The following TRPC7 variants were observed in gnomAD, a reference collection of about 807,000 sequenced individuals.
The protein encoded by TRPC7 is short transient receptor potential channel 7.
Under a neutral mutation model 90.1 loss-of-function variants are expected in TRPC7, and 42 were observed. The ratio of observed to expected loss-of-function variants is 0.47; its 90% CI spans 0.36 to 0.60. The LOEUF is 0.60. Among genes scored for constraint, TRPC7 ranks in the 20% least tolerant of loss-of-function variants. The probability of loss-of-function intolerance (pLI) is 0.00; values close to 1 mark genes in which losing one functional copy is unlikely to be tolerated. For missense variants in TRPC7, 955 were observed against 1,112.3 expected, an observed-to-expected ratio of 0.86 and a Z score of 2.01; for synonymous variants, 451 against 436.3, an observed-to-expected ratio of 1.03 and a Z score of -0.42.
At chr5:136,301,043 T>A (rs549985224) in intron 3 of TRPC7, among the ~76,000 whole-genome samples, 1 of 152,310 alleles carries the variant, frequency 6.6e-6, no homozygotes, top group African/African-American at 2.4e-5. Flanking sequence ...TTTTTCTTTT[T>A]TCTGAGGTGG....
intron 2 of TRPC7, among the ~76,000 whole-genome samples, chr5:136,327,204 A>T (rs1654146341): frequency 6.6e-6 from 1 of 152,194 alleles, no homozygotes; most frequent in African/African-American, 2.4e-5. Flanking sequence ...CAAAATTGTG[A>T]TAGAGTGACC....
rs75204588 is a variant in TRPC7, at chr5:136,247,890, T to A, written c.1580-155A>T. On this transcript the variant is annotated intron_variant, in intron 6 of 11. Coordinates refer to ENST00000513104, the MANE Select transcript of TRPC7 (RefSeq NM_020389.3). This position sits in a 1 kb window ranked among gnomAD's most constrained non-coding sequence, Gnocchi z 4.2. ...AATATCCAGAAGTTGCCACCCTCCC[T>A]CTTGGAATGTGCTGGACCATCTGCC... 6.6e-6 allele frequency among the ~76,000 whole-genome samples: 1 copy of A among 152,188 alleles called. No homozygotes were observed. The highest frequency in any genetic ancestry group is 1.9e-4 in the East Asian group (1 of 5,188).
At chr5:136,336,742 A>G (rs1308392508) in intron 2 of TRPC7, among the ~76,000 whole-genome samples, 1 of 151,976 alleles carries the variant, frequency 6.6e-6, no homozygotes, top group Non-Finnish European at 1.5e-5. Context: ...ATTCCCACCT[A>G]TGAGTGAGAA....
At chr5:136,327,357 A>G (rs558496572) in intron 2 of TRPC7, among the ~76,000 whole-genome samples, 1 of 152,172 alleles carries the variant, frequency 6.6e-6, no homozygotes, top group Non-Finnish European at 1.5e-5. Context: ...AGCAAGGGGG[A>G]TGCCCACCCC....
intron 2 of TRPC7, among the ~76,000 whole-genome samples, chr5:136,354,156 G>A (rs914894171): frequency 4.6e-5 from 7 of 152,108 alleles, no homozygotes; most frequent in African/African-American, 1.7e-4. Context: ...CTTTCGCACG[G>A]CCAATGCAGA....
chr5:136,364,583 G>T (rs927049042), intron 1 of TRPC7, among the ~76,000 whole-genome samples: 1 of 152,042 alleles, frequency 6.6e-6, no homozygotes, highest in Non-Finnish European at 1.5e-5. Context: ...AATCCATTAC[G>T]CCTCTAAATT....
At chr5:136,301,464 AAAG>A (rs1289155082) in intron 3 of TRPC7, among the ~76,000 whole-genome samples, 6 of 151,662 alleles carry the variant, frequency 4.0e-5, no homozygotes, top group African/African-American at 1.2e-4. Flanking sequence ...AAGATCCACA[AAAG>A]AAGTAAAAAT....
intron 1 of TRPC7, among the ~76,000 whole-genome samples, chr5:136,359,309 T>C (rs1490553581): frequency 1.3e-5 from 2 of 152,208 alleles, no homozygotes; most frequent in African/African-American, 2.4e-5. Flanking sequence ...AAATTATATA[T>C]GGAGCAACTT....
At chr5:136,239,964 A>G (rs1375034137) in intron 7 of TRPC7, among the ~76,000 whole-genome samples, 4 of 152,072 alleles carry the variant, frequency 2.6e-5, no homozygotes, top group African/African-American at 4.8e-5. Context: ...CACCCCTTCC[A>G]ACCCACCCTT....
chr5:136,255,903 T>C (rs1756672972), intron 5 of TRPC7, among the ~76,000 whole-genome samples: 1 of 152,244 alleles, frequency 6.6e-6, no homozygotes, highest in South Asian at 2.1e-4. Context: ...TTGACTGCTA[T>C]ACTCTTCTGT....
At chr5:136,333,172 C>T (rs944848570) in intron 2 of TRPC7, among the ~76,000 whole-genome samples, 4 of 152,302 alleles carry the variant, frequency 2.6e-5, no homozygotes, top group African/African-American at 9.6e-5. Context: ...GGAAGGTAGG[C>T]TCAGTGCTTT....
chr5:136,365,108 G>T, intron 1 of TRPC7, 145 bp downstream of exon 1: 1 of 953,890 alleles, frequency 1.0e-6, no homozygotes, highest in Non-Finnish European at 1.5e-6. Context: ...CAACAAATAA[G>T]AAAGATCTCA....
chr5:136,231,605 T>C, intron 7 of TRPC7, 56 bp from the exon 8 acceptor site: 1 of 1,456,210 alleles, frequency 6.9e-7, no homozygotes, highest in Non-Finnish European at 9.3e-7. Context: ...AACTTTTATT[T>C]ATTCATTCAT....
In TRPC7 at chr5:136,220,319, C is replaced by CA. The variant is rs1755412373; in HGVS notation, c.2344-4045dup. Among the ~76,000 whole-genome samples, 3 of 152,266 alleles carry CA rather than the reference C, an allele frequency of 2.0e-5. 1 individual carries two copies. The highest frequency in any genetic ancestry group is 6.8e-3 in the Middle Eastern group (2 of 294). The stretch of plus-strand genomic sequence containing the variant: ...TTCTTGCAGAGAGTCTATAAATGGA[C>CA]ATGCAAGTAGGGAAGATATCACTGA... On this transcript the variant is annotated intron_variant, in intron 10 of 11. Coordinates refer to ENST00000513104, the MANE Select transcript of TRPC7 (RefSeq NM_020389.3).
chr5:136,272,881 C>T (rs1000387375), intron 4 of TRPC7, among the ~76,000 whole-genome samples: 14 of 152,158 alleles, frequency 9.2e-5, no homozygotes, highest in Admixed American at 9.2e-4. Context: ...CTAGAAATCC[C>T]TCTCTGCAAC....
chr5:136,357,725 T>C (rs948309186), intron 1 of TRPC7, among the ~76,000 whole-genome samples: 2 of 152,096 alleles, frequency 1.3e-5, no homozygotes, highest in African/African-American at 4.8e-5. Context: ...AGGCTATTGG[T>C]TTTATTTCCG....
chr5:136,251,597 C>G (rs1355886223), intron 6 of TRPC7, 52 bp downstream of exon 6: 1 of 1,403,524 alleles, frequency 7.1e-7, no homozygotes, highest in East Asian at 2.5e-5. Context: ...AAGCACCAGG[C>G]CCACGTCCCG....
At chr5:136,240,844 A>G (rs931431692) in intron 7 of TRPC7, among the ~76,000 whole-genome samples, 3 of 152,188 alleles carry the variant, frequency 2.0e-5, no homozygotes, top group Non-Finnish European at 2.9e-5. Context: ...AAGCAGGTGC[A>G]TATTTTTCAT....
intron 3 of TRPC7, among the ~76,000 whole-genome samples, chr5:136,297,651 T>C (rs546269246): frequency 1.3e-5 from 2 of 152,294 alleles, no homozygotes; most frequent in African/African-American, 4.8e-5. Context: ...AAATTATTAA[T>C]AATTTTATTA....
Sources: gnomAD v4.1 joint callset for allele counts (sites outside exome capture counted in the v4.1 genomes callset) on GRCh38, gnomAD v4.1.1 for gene constraint, Gnocchi (gnomAD v3.1) non-coding constraint, MANE v1.5 for transcripts, NCBI Gene and HGNC (gene_info 2026-07-23, HGNC 2026-07-21) for gene names.